Variants in CSMD1 observed in about 807,000 individuals in gnomAD.
CSMD1 encodes the protein CUB and sushi domain-containing protein 1.
A neutral mutation model predicts 417.5 loss-of-function variants in CSMD1; 213 were observed. That is an observed-to-expected ratio of 0.51 (90% CI 0.46 to 0.57). The LOEUF (loss-of-function observed/expected upper bound fraction) is 0.57. Ranked by LOEUF, CSMD1 falls within the 20% of genes least tolerant of loss-of-function variation. The pLI is 0.00. For missense variants in CSMD1, 6,923 were observed against 4,529.7 expected, an observed-to-expected ratio of 1.53 and a Z score of -15.17; for synonymous variants, 2,862 against 1,736.8, an observed-to-expected ratio of 1.65 and a Z score of -16.11.
chr8:3,898,992 G>C (rs1470528898), intron 5 of CSMD1, among the ~76,000 whole-genome samples: 1 of 152,128 alleles, frequency 6.6e-6, no homozygotes, highest in East Asian at 1.9e-4. Context: ...ACATATTTCA[G>C]TGCTAAAATA....
intron 25 of CSMD1, among the ~76,000 whole-genome samples, chr8:3,306,499 G>A (rs374312855): frequency 2.1e-4 from 32 of 152,090 alleles, no homozygotes; most frequent in South Asian, 6.2e-4. Context: ...TCAGCTTCAC[G>A]TATGTGTAGG....
chr8:4,018,557 T>A (rs1353180207), intron 4 of CSMD1, among the ~76,000 whole-genome samples: 1 of 152,168 alleles, frequency 6.6e-6, no homozygotes, highest in Non-Finnish European at 1.5e-5. Flanking sequence ...CCTGCTTTGA[T>A]GAGAAAAGCA....
intron 2 of CSMD1, among the ~76,000 whole-genome samples, chr8:4,613,860 C>CAAAA (rs60679775): frequency 2.3e-3 from 282 of 123,570 alleles, no homozygotes; most frequent in Middle Eastern, 4.4e-3. Context: ...TGTCTAATGC[C>CAAAA]AAAAAAAAAA....
At chr8:4,402,058 T>C (rs931795071) in intron 3 of CSMD1, among the ~76,000 whole-genome samples, 4 of 152,158 alleles carry the variant, frequency 2.6e-5, no homozygotes, top group African/African-American at 9.7e-5. Flanking sequence ...TAAATGGTCC[T>C]TCTAACCCCA....
chr8:3,445,520 T>C (rs559100036), intron 12 of CSMD1, among the ~76,000 whole-genome samples: 2 of 152,254 alleles, frequency 1.3e-5, no homozygotes, highest in African/African-American at 2.4e-5. Context: ...TGTGCACAAC[T>C]CTTTTCATTA....
At position 3,808,454 on chromosome 8, in the gene CSMD1, G is replaced by A. The variant is rs188630640; in HGVS notation, c.819-54412C>T. On this transcript the variant is annotated intron_variant, in intron 5 of 69. Transcript: ENST00000635120. ...ATTGGAATGAGTCTTCAAAAGCTGT[G>A]TTTCTCTCTTTATACTTTTCAGTAA... Among the ~76,000 whole-genome samples the A allele has an allele frequency of 1.0e-3, 158 of 152,160 alleles. 1 individual carries two copies. The highest frequency in any genetic ancestry group is 3.7e-3 in the African/African-American group (153 of 41,500).
At chr8:4,105,336 A>ATT (rs1801513158) in intron 3 of CSMD1, among the ~76,000 whole-genome samples, 2 of 108,744 alleles carry the variant, frequency 1.8e-5, no homozygotes, top group Non-Finnish European at 4.0e-5. Flanking sequence ...AACACTTCTG[A>ATT]ATTTTTTTTT....
chr8:3,255,025 A>C (rs1057176213), intron 26 of CSMD1, among the ~76,000 whole-genome samples: 134 of 152,086 alleles, frequency 8.8e-4, no homozygotes, highest in African/African-American at 3.2e-3. Flanking sequence ...GTCTTTGATG[A>C]TGGTGATGTA....
intron 46 of CSMD1, among the ~76,000 whole-genome samples, chr8:3,098,654 T>C (rs993360338): frequency 5.3e-5 from 8 of 152,198 alleles, no homozygotes; most frequent in Admixed American, 5.2e-4. Context: ...CCTCATCGCT[T>C]TGTAAAATAC....
At chr8:4,688,583 G>C (rs1431875102) in intron 1 of CSMD1, among the ~76,000 whole-genome samples, 2 of 152,192 alleles carry the variant, frequency 1.3e-5, no homozygotes, top group African/African-American at 2.4e-5. Context: ...CAGTCAGAGA[G>C]TGAACACTCC....
intron 5 of CSMD1, among the ~76,000 whole-genome samples, chr8:3,881,608 C>CAAAAAAAAAAAAAAAAAAAAAAAAA (rs370466578): frequency 2.9e-5 from 3 of 102,536 alleles, no homozygotes; most frequent in African/African-American, 3.2e-5. Flanking sequence ...GACTCCATCT[C>CAAAAAAAAAAAAAAAAAAAAAAAAA]AAAAAAAAAA....
At chr8:4,344,353 A>G (rs1311215742) in intron 3 of CSMD1, among the ~76,000 whole-genome samples, 1 of 152,048 alleles carries the variant, frequency 6.6e-6, no homozygotes, top group Non-Finnish European at 1.5e-5. Context: ...CAGGTTTGGT[A>G]CATTATTTTT....
chr8:3,746,466 T>G (rs938885002), intron 6 of CSMD1, among the ~76,000 whole-genome samples: 28 of 152,214 alleles, frequency 1.8e-4, no homozygotes, highest in African/African-American at 6.5e-4. Context: ...TATATAACAG[T>G]AAACGTTTGT....
At chr8:4,296,332 G>A (rs974505730) in intron 3 of CSMD1, among the ~76,000 whole-genome samples, 14 of 151,788 alleles carry the variant, frequency 9.2e-5, no homozygotes, top group African/African-American at 1.5e-4. Context: ...TATAGTTCAG[G>A]GATTATGCAC....
chr8:4,959,036 G>C (rs1417711819), intron 1 of CSMD1, among the ~76,000 whole-genome samples: 1 of 152,148 alleles, frequency 6.6e-6, no homozygotes, highest in South Asian at 2.1e-4. Flanking sequence ...ATCAAGCCAT[G>C]CTATATAGTA....
At chr8:4,723,787 T>TAAAAAAAAAAAAAAAAAAAAAAAA (rs57096241) in intron 1 of CSMD1, among the ~76,000 whole-genome samples, 1 of 131,498 alleles carries the variant, frequency 7.6e-6, no homozygotes, top group African/African-American at 3.0e-5. Flanking sequence ...CTTTCGAATG[T>TAAAAAAAAAAAAAAAAAAAAAAAA]AAAAAAAAAA....
At chr8:3,692,348 C>CAGACTCAGGAAAG (rs1336669943) in intron 7 of CSMD1, among the ~76,000 whole-genome samples, 8 of 152,208 alleles carry the variant, frequency 5.3e-5, no homozygotes, top group Non-Finnish European at 8.8e-5. Context: ...CTCAGAGAAA[C>CAGACTCAGGAAAG]AGACTCAGGA....
intron 2 of CSMD1, among the ~76,000 whole-genome samples, chr8:4,634,434 C>G (rs1279210169): frequency 1.3e-5 from 2 of 152,086 alleles, no homozygotes; most frequent in Non-Finnish European, 2.9e-5. Context: ...ACTAAAAATG[C>G]TCAAGTTGTT....
chr8:4,364,576 G>A (rs1366095372), intron 3 of CSMD1, among the ~76,000 whole-genome samples: 1 of 17,186 alleles, frequency 5.8e-5, no homozygotes, highest in Non-Finnish European at 9.4e-5. Context: ...TGTAATCCCA[G>A]CACTTTGGGA....
Sources: gnomAD v4.1 joint callset for allele counts (sites outside exome capture counted in the v4.1 genomes callset) on GRCh38, gnomAD v4.1.1 for gene constraint, MANE v1.5 for transcripts, NCBI Gene and HGNC (gene_info 2026-07-23, HGNC 2026-07-21) for gene names.